RBPJ: variants seen among roughly 807,000 people sequenced by gnomAD.
RBPJ encodes the protein recombining binding protein suppressor of hairless.
A neutral mutation model predicts 67.8 loss-of-function variants in RBPJ; 9 were observed. The ratio of observed to expected loss-of-function variants is 0.13; its 90% confidence interval spans 0.08 to 0.23. RBPJ has a LOEUF of 0.23. Ranked by LOEUF, RBPJ falls within the 10% of genes least tolerant of loss-of-function variation. The pLI is 1.00. For synonymous variants in RBPJ, 198 were observed against 203.3 expected, an observed-to-expected ratio of 0.97 and a Z score of 0.22; for missense variants, 305 against 595.6, an observed-to-expected ratio of 0.51 and a Z score of 5.08.
chr4:26,396,022 A>C (rs1177609792), intron 2 of RBPJ, among the ~76,000 whole-genome samples: 1 of 152,170 alleles, frequency 6.6e-6, no homozygotes, highest in Non-Finnish European at 1.5e-5. Context: ...GAGACAGGAG[A>C]GCATCCATTT....
chr4:26,207,309 G>T lies in RBPJ; in HGVS notation c.-167+43695G>T, dbSNP rs551304151. Among the ~76,000 whole-genome samples, 4 of 151,630 alleles carry T rather than the reference G, an allele frequency of 2.6e-5. No individual in the cohort carries two copies. In the South Asian group the frequency reaches 8.4e-4, roughly 32 times the overall value. The stretch of plus-strand genomic sequence containing the variant: ...GGGATAATAATGAGATTTATGAGAT[G>T]TCAAGTTGGACAGTGTCTTTTGTGT... On this transcript the variant is annotated intron_variant, in intron 1 of 4. Coordinates refer to the RBPJ transcript ENST00000512351.
At chr4:26,427,432 T>C (rs945427496) in intron 7 of RBPJ, among the ~76,000 whole-genome samples, 1 of 152,142 alleles carries the variant, frequency 6.6e-6, no homozygotes, top group Non-Finnish European at 1.5e-5. Context: ...AGGAGAGAAG[T>C]CTGGAGATAA....
chr4:26,405,426 A>G (rs1325236792), intron 2 of RBPJ, among the ~76,000 whole-genome samples: 1 of 151,232 alleles, frequency 6.6e-6, no homozygotes, highest in Non-Finnish European at 1.5e-5. Context: ...CTTTCTTTTT[A>G]CTATATAATA....
intron 1 of RBPJ, among the ~76,000 whole-genome samples, chr4:26,179,292 G>C (rs920008836): frequency 6.8e-6 from 1 of 147,304 alleles, no homozygotes; most frequent in African/African-American, 2.5e-5. Context: ...GGTGATTACT[G>C]TGTTTTTTTT....
chr4:26,241,962 A>G (rs1719651605), intron 1 of RBPJ, among the ~76,000 whole-genome samples: 1 of 152,238 alleles, frequency 6.6e-6, no homozygotes, highest in Non-Finnish European at 1.5e-5. Context: ...AATACCGCAC[A>G]GTCTAACCAA....
At chr4:26,293,383 C>T (rs1721739021) in intron 1 of RBPJ, among the ~76,000 whole-genome samples, 1 of 150,282 alleles carries the variant, frequency 6.7e-6, no homozygotes, top group African/African-American at 2.4e-5. Flanking sequence ...CCTGTAATCC[C>T]AGCACTTTGG....
upstream of RBPJ, among the ~76,000 whole-genome samples, chr4:26,158,471 AT>A (rs950567225): frequency 2.6e-5 from 4 of 152,220 alleles, no homozygotes; most frequent in African/African-American, 9.6e-5. Flanking sequence ...TTATTGATTA[AT>A]AAAAGCCCCC....
At chr4:26,312,383 G>A (rs373836198) in intron 1 of RBPJ, among the ~76,000 whole-genome samples, 3 of 152,158 alleles carry the variant, frequency 2.0e-5, no homozygotes, top group Non-Finnish European at 2.9e-5. Context: ...CGCCTGCCTC[G>A]GCCTCCCAAA....
chr4:26,370,581 C>T (rs1265099468), intron 1 of RBPJ, among the ~76,000 whole-genome samples: 1 of 152,092 alleles, frequency 6.6e-6, no homozygotes, highest in Non-Finnish European at 1.5e-5. Context: ...GATACCACTT[C>T]TTTATAGAAT....
At chr4:26,105,924 G>C in the RBPJ span, among the ~76,000 whole-genome samples, 1 of 152,288 alleles carries the variant, frequency 6.6e-6, no homozygotes, top group African/African-American at 2.4e-5. Flanking sequence ...TCTGTGCAAT[G>C]GTCCAGTGTC....
intron 2 of RBPJ, among the ~76,000 whole-genome samples, chr4:26,388,441 C>G (rs1731140574): frequency 6.6e-6 from 1 of 152,182 alleles, no homozygotes; most frequent in African/African-American, 2.4e-5. Flanking sequence ...TGTTGTAGCA[C>G]AAAAGCAGCA....
Position 26,430,131 on chromosome 4 carries a change from T to C in RBPJ, c.1044+78T>C. ...TGTGACCTGGCATCATTTCATTTCA[T>C]GGGAGTTTTGATTTTTCTCCAATCG... On this transcript the variant is annotated intron_variant, in intron 9 of 10. Coordinates refer to ENST00000355476, the MANE Select transcript of RBPJ (RefSeq NM_015874.6). The surrounding 1 kb of genome is among the most constrained non-coding windows in gnomAD (Gnocchi z 4.1). 4.0e-6 allele frequency: 6 copies of C among 1,492,798 alleles called. No individual in the cohort carries two copies. Among genetic ancestry groups the C allele is most frequent in the Non-Finnish European group, 5.6e-6 (6 of 1,074,052 alleles). 92.5% of individuals were successfully genotyped at this position (1,492,798 alleles called of 1,614,324 possible).
chr4:26,366,837 A>G (rs1728681770), intron 1 of RBPJ, among the ~76,000 whole-genome samples: 1 of 152,136 alleles, frequency 6.6e-6, no homozygotes. Flanking sequence ...AAAAAAAAAT[A>G]CAAATAGGCC....
intron 2 of RBPJ, among the ~76,000 whole-genome samples, chr4:26,401,967 C>A (rs1382485304): frequency 6.7e-6 from 1 of 149,712 alleles, no homozygotes; most frequent in Non-Finnish European, 1.5e-5. Context: ...TGGCTGACTG[C>A]AACCTCTGCC....
chr4:26,208,693 A>C (rs1718254638), intron 1 of RBPJ, among the ~76,000 whole-genome samples: 2 of 151,986 alleles, frequency 1.3e-5, no homozygotes, highest in African/African-American at 4.8e-5. Flanking sequence ...AATTTTGACC[A>C]CCCTGTGATT....
rs558085566 is a variant in RBPJ, at chr4:26,341,808, CAG to C, written c.20+20761_20+20762del. 6.1e-4 allele frequency among the ~76,000 whole-genome samples: 93 copies of C among 152,122 alleles called. 1 individual carries two copies. The highest frequency in any genetic ancestry group is 1.0e-3 in the Non-Finnish European group (71 of 68,018). On this transcript the variant is annotated intron_variant, in intron 1 of 10. Coordinates refer to ENST00000355476, the MANE Select transcript of RBPJ (RefSeq NM_015874.6). Reference sequence around the variant, plus strand: ...TCTGTTGTAAAAGGATGCAAAGAAACAGGGAACTAGAAGGGATTGTGGGGTCC... The same window carrying C: ...TCTGTTGTAAAAGGATGCAAAGAAACGGAACTAGAAGGGATTGTGGGGTCC...
intron 1 of RBPJ, among the ~76,000 whole-genome samples, chr4:26,245,023 A>C (rs1260085761): frequency 6.6e-6 from 1 of 151,408 alleles, no homozygotes; most frequent in African/African-American, 2.4e-5. Flanking sequence ...TAAAATTTAC[A>C]TACCATAAGA....
chr4:26,332,437 A>G (rs1724359467), intron 1 of RBPJ, among the ~76,000 whole-genome samples: 1 of 152,180 alleles, frequency 6.6e-6, no homozygotes, highest in African/African-American at 2.4e-5. Context: ...TCAGCTGTCC[A>G]CCTAAGCTAC....
chr4:26,270,584 G>C (rs970316053), intron 1 of RBPJ, among the ~76,000 whole-genome samples: 2 of 152,050 alleles, frequency 1.3e-5, no homozygotes, highest in Non-Finnish European at 2.9e-5. Context: ...AATCTTTGGG[G>C]TTGGGAACCT....
Sources: gnomAD v4.1 joint callset for allele counts (sites outside exome capture counted in the v4.1 genomes callset) on GRCh38, gnomAD v4.1.1 for gene constraint, Gnocchi (gnomAD v3.1) non-coding constraint, MANE v1.5 for transcripts, NCBI Gene and HGNC (gene_info 2026-07-23, HGNC 2026-07-21) for gene names.